The following PDS5A variants were observed in gnomAD, a reference collection of about 807,000 sequenced individuals.
The protein encoded by PDS5A is PDS5 cohesin associated factor A.
A neutral mutation model predicts 167.1 loss-of-function variants in PDS5A; 42 were observed. The ratio of observed to expected loss-of-function variants is 0.25; its 90% CI spans 0.20 to 0.33. PDS5A has a LOEUF of 0.33. Among genes scored for constraint, PDS5A ranks in the 10% least tolerant of loss-of-function variants. PDS5A has a pLI of 1.00. For synonymous variants in PDS5A, 553 were observed against 554.6 expected, an observed-to-expected ratio of 1.00 and a Z score of 0.04; for missense variants, 1,033 against 1,605.9, an observed-to-expected ratio of 0.64 and a Z score of 6.10.
rs1731193435 is a variant in PDS5A, at chr4:39,977,172, A to C, written c.-41+285T>G. ...CACCCCTCCCCTGTTCCGCTCCCTC[A>C]CCCCCGCGGGAGGGGAAAACAAGCC... On this transcript the variant is annotated intron_variant, in intron 1 of 32. Coordinates refer to ENST00000303538, the MANE Select transcript of PDS5A (RefSeq NM_001100399.2). This position sits in a 1 kb window ranked among gnomAD's most constrained non-coding sequence, Gnocchi z 4.2. 2.0e-5 allele frequency among the ~76,000 whole-genome samples: 3 copies of C among 147,820 alleles called. No individual in the cohort carries two copies. The highest frequency in any genetic ancestry group is 3.0e-5 in the Non-Finnish European group (2 of 66,790).
intron 32 of PDS5A, among the ~76,000 whole-genome samples, chr4:39,825,878 T>C (rs760466762): frequency 2.6e-5 from 4 of 152,158 alleles, no homozygotes; most frequent in Non-Finnish European, 5.9e-5. Flanking sequence ...ACTACTGGGA[T>C]TACAGGCATG....
chr4:39,865,700 T>C (rs1220776588), intron 23 of PDS5A, among the ~76,000 whole-genome samples: 1 of 152,230 alleles, frequency 6.6e-6, no homozygotes, highest in Non-Finnish European at 1.5e-5. Context: ...TAAATTTCTA[T>C]ATTTTTAGTA....
At chr4:39,914,115 C>G (rs1217242336) in intron 8 of PDS5A, among the ~76,000 whole-genome samples, 1 of 151,296 alleles carries the variant, frequency 6.6e-6, no homozygotes, top group Non-Finnish European at 1.5e-5. Context: ...CTGCAATTTA[C>G]GTTCCAACAT....
At chr4:39,975,107 A>C (rs1285982568) in intron 2 of PDS5A, among the ~76,000 whole-genome samples, 1 of 44,914 alleles carries the variant, frequency 2.2e-5, no homozygotes, top group African/African-American at 9.6e-5. Flanking sequence ...ACTCCGTCTC[A>C]AAAAAAAAAA....
intron 2 of PDS5A, among the ~76,000 whole-genome samples, chr4:39,941,011 T>C (rs1246121556): frequency 1.3e-5 from 2 of 152,192 alleles, no homozygotes; most frequent in African/African-American, 2.4e-5. Context: ...TAATGGTAGG[T>C]CTAGAACTGA....
rs1197670116 is a variant in PDS5A, at chr4:39,823,486, T to C, written c.*1999A>G. The C allele has an allele frequency of 1.3e-5, 2 of 152,592 alleles. No individual in the cohort carries two copies. The highest frequency in any genetic ancestry group is 2.9e-5 in the Non-Finnish European group (2 of 68,036). The allele number at this position is 152,592 out of a possible 1,614,324, so 9.5% of individuals were successfully genotyped here. ...GTAAACTGTGATGCCGGGCAATTAA[T>C]CAAAGGGAGGAAGAGACAAAGGTCC... On this transcript the variant is annotated 3_prime_UTR_variant, in exon 33 of 33. Coordinates refer to ENST00000303538, the MANE Select transcript of PDS5A (RefSeq NM_001100399.2).
chr4:39,873,931 C>T (rs1038427023), intron 20 of PDS5A, among the ~76,000 whole-genome samples: 1 of 152,140 alleles, frequency 6.6e-6, no homozygotes, highest in Non-Finnish European at 1.5e-5. Context: ...GTACTCTCAG[C>T]TACTTGGGAG....
chr4:39,831,494 T>G (rs1223072366), intron 32 of PDS5A, among the ~76,000 whole-genome samples: 1 of 152,264 alleles, frequency 6.6e-6, no homozygotes, highest in African/African-American at 2.4e-5. Context: ...AGCTGTTTTT[T>G]AATGCAGCAA....
At chr4:39,829,098 T>C (rs1025729601) in intron 32 of PDS5A, among the ~76,000 whole-genome samples, 20 of 152,174 alleles carry the variant, frequency 1.3e-4, no homozygotes, top group African/African-American at 3.9e-4. Context: ...GTGTGTTTGA[T>C]TGCTCTCAGG....
At chr4:39,875,420 C>T (rs1411156031) in intron 19 of PDS5A, among the ~76,000 whole-genome samples, 4 of 151,850 alleles carry the variant, frequency 2.6e-5, no homozygotes, top group South Asian at 2.1e-4. Context: ...ATTGATAAAA[C>T]GAAACAAACA....
intron 19 of PDS5A, among the ~76,000 whole-genome samples, chr4:39,874,806 G>C (rs138591436): frequency 7.3e-4 from 111 of 152,246 alleles, no homozygotes; most frequent in African/African-American, 2.6e-3. Context: ...TACAGAAAGA[G>C]AGTAGCAAAA....
At chr4:39,904,271 G>A in intron 11 of PDS5A, 80 bp from the exon 12 acceptor site, 1 of 921,640 alleles carries the variant, frequency 1.1e-6, no homozygotes, top group Non-Finnish European at 1.6e-6. Flanking sequence ...GGCTTCATTA[G>A]GTTGTACAGT....
intron 32 of PDS5A, among the ~76,000 whole-genome samples, chr4:39,826,456 C>A: frequency 8.5e-6 from 1 of 117,134 alleles, no homozygotes; most frequent in African/African-American, 2.9e-5. Flanking sequence ...GCCCAACTTG[C>A]CTAATTCATT....
chr4:39,945,236 G>A (rs1727635155), intron 2 of PDS5A, among the ~76,000 whole-genome samples: 1 of 151,878 alleles, frequency 6.6e-6, no homozygotes. Context: ...CAAGGTGGGC[G>A]GATCATGAGG....
At chr4:39,840,304 TCAAAA>T (rs563654097) in intron 31 of PDS5A, among the ~76,000 whole-genome samples, 2 of 152,256 alleles carry the variant, frequency 1.3e-5, no homozygotes, top group South Asian at 2.1e-4. Flanking sequence ...AGATCCTGTT[TCAAAA>T]CAAAACAAAA....
rs144870859 is a variant in PDS5A, at chr4:39,912,751, T to G, written c.992+860A>C. ...AGGTAAATGGAATGCAAGGAGAAAT[T>G]TAATGAATTTCATAAATTTGTCAAC... On this transcript the variant is annotated intron_variant, in intron 9 of 32. Transcript: ENST00000303538. Among the ~76,000 whole-genome samples the G allele has an allele frequency of 6.3e-3, 964 of 152,264 alleles. 9 individuals are homozygous for G. The highest frequency in any genetic ancestry group is 0.021 in the African/African-American group (893 of 41,542).
At chr4:39,967,796 T>G (rs1430802361) in intron 2 of PDS5A, among the ~76,000 whole-genome samples, 1 of 150,802 alleles carries the variant, frequency 6.6e-6, no homozygotes, top group East Asian at 2.0e-4. Flanking sequence ...CGTCTCTAAC[T>G]AAAAATACAA....
At chr4:39,945,635 G>A (rs1727684125) in intron 2 of PDS5A, among the ~76,000 whole-genome samples, 2 of 151,920 alleles carry the variant, frequency 1.3e-5, no homozygotes, top group African/African-American at 4.8e-5. Flanking sequence ...ACTACTAAGT[G>A]ATTATGTTCC....
chr4:39,900,603 T>C, intron 13 of PDS5A, 96 bp from the exon 14 acceptor site: 1 of 724,902 alleles, frequency 1.4e-6, no homozygotes, highest in Admixed American at 2.2e-5. Flanking sequence ...ATATACACCA[T>C]TCTTCTACAT....
Sources: gnomAD v4.1 joint callset for allele counts (sites outside exome capture counted in the v4.1 genomes callset) on GRCh38, gnomAD v4.1.1 for gene constraint, Gnocchi (gnomAD v3.1) non-coding constraint, MANE v1.5 for transcripts, NCBI Gene and HGNC (gene_info 2026-07-23, HGNC 2026-07-21) for gene names.